Variants in BNC2 observed in about 807,000 individuals in gnomAD.
BNC2 encodes the protein zinc finger protein basonuclin-2.
Under a neutral mutation model 76.3 loss-of-function variants are expected in BNC2, and 20 were observed. The ratio of observed to expected loss-of-function variants is 0.26; its 90% CI spans 0.18 to 0.38. The LOEUF is 0.38. Among genes scored for constraint, BNC2 ranks in the 10% least tolerant of loss-of-function variants. BNC2 has a pLI of 1.00. For missense variants in BNC2, 1,382 were observed against 1,399.8 expected, an observed-to-expected ratio of 0.99 and a Z score of 0.20; for synonymous variants, 582 against 514.8, an observed-to-expected ratio of 1.13 and a Z score of -1.77.
chr9:16,850,019 T>C (rs896556183), intron 1 of BNC2, among the ~76,000 whole-genome samples: 1 of 152,154 alleles, frequency 6.6e-6, no homozygotes, highest in Non-Finnish European at 1.5e-5. Flanking sequence ...ACACACAGAT[T>C]TGCTCAACTA....
intron 3 of BNC2, among the ~76,000 whole-genome samples, chr9:16,643,305 C>CAAAAAAAAAA (rs34196473): frequency 3.9e-4 from 47 of 121,564 alleles, no homozygotes; most frequent in African/African-American, 1.3e-3. Flanking sequence ...GACTCTGTCT[C>CAAAAAAAAAA]AAAAAAAAAA....
chr9:16,710,684 G>A (rs1366419274), intron 3 of BNC2, among the ~76,000 whole-genome samples: 1 of 151,928 alleles, frequency 6.6e-6, no homozygotes, highest in African/African-American at 2.4e-5. Context: ...TCCCATCCAA[G>A]CCACCCCCAC....
At chr9:16,858,335 G>A (rs1819313252) in intron 1 of BNC2, among the ~76,000 whole-genome samples, 1 of 152,164 alleles carries the variant, frequency 6.6e-6, no homozygotes, top group African/African-American at 2.4e-5. Flanking sequence ...AGTAAAACCA[G>A]GGTGTTTCAC....
chr9:16,720,663 G>A (rs1411365271), intron 3 of BNC2, among the ~76,000 whole-genome samples: 1 of 152,064 alleles, frequency 6.6e-6, no homozygotes, highest in Non-Finnish European at 1.5e-5. Context: ...AAAAACAAAA[G>A]GATATTATTT....
rs538180885 is a variant in BNC2 at position 16,573,080 on chromosome 9, T to C, written c.433+9903A>G. Among the ~76,000 whole-genome samples, 5 of 151,862 alleles carry C rather than the reference T, an allele frequency of 3.3e-5. No individual in the cohort carries two copies. In the East Asian group the frequency reaches 9.7e-4, roughly 29 times the overall value. On this transcript the variant is annotated intron_variant, in intron 4 of 6. Coordinates refer to ENST00000380672, the MANE Select transcript of BNC2 (RefSeq NM_017637.6). ...CTATCTCTACAAAAAATACAAAAAT[T>C]AGCTGGGCGTGGTAGCGCACACCTG...
At chr9:16,771,313 C>T (rs961769513) in intron 1 of BNC2, among the ~76,000 whole-genome samples, 7 of 152,200 alleles carry the variant, frequency 4.6e-5, no homozygotes, top group African/African-American at 1.4e-4. Flanking sequence ...ACCCTCTATA[C>T]TTAAAACAAG....
chr9:16,493,724 G>T (rs1459631580), intron 5 of BNC2, among the ~76,000 whole-genome samples: 1 of 152,196 alleles, frequency 6.6e-6, no homozygotes, highest in East Asian at 1.9e-4. Context: ...GCTGGGAAAG[G>T]GTACTCTACT....
At position 16,432,053 on chromosome 9, in the gene BNC2, C is replaced by T. The variant is rs115353485; in HGVS notation, c.2639+3502G>A. Among the ~76,000 whole-genome samples the T allele has an allele frequency of 3.5e-3, 533 of 152,318 alleles. 4 individuals are homozygous for T. Among genetic ancestry groups the T allele is most frequent in the African/African-American group, 0.012 (512 of 41,570 alleles). On this transcript the variant is annotated intron_variant, in intron 6 of 6. Transcript: ENST00000380672. The stretch of plus-strand genomic sequence containing the variant: ...AGTTCTTTACAGAGAAAATTCTTTA[C>T]ATTTCACTTCTATCACTCAGAATAA...
At chr9:16,481,468 C>T (rs564099935) in intron 5 of BNC2, among the ~76,000 whole-genome samples, 2 of 152,192 alleles carry the variant, frequency 1.3e-5, no homozygotes, top group East Asian at 1.9e-4. Flanking sequence ...AGCGAGACCA[C>T]GAGCCCACTA....
chr9:16,461,844 T>C (rs977987494), intron 5 of BNC2, among the ~76,000 whole-genome samples: 3 of 152,234 alleles, frequency 2.0e-5, no homozygotes, highest in Admixed American at 1.3e-4. Flanking sequence ...AACATCATCT[T>C]GCACCTGCCA....
intron 3 of BNC2, among the ~76,000 whole-genome samples, chr9:16,598,600 C>T (rs937120644): frequency 6.6e-6 from 1 of 152,216 alleles, no homozygotes; most frequent in Non-Finnish European, 1.5e-5. Context: ...TAAGTACCTT[C>T]TTCTAAGTCC....
intron 5 of BNC2, among the ~76,000 whole-genome samples, chr9:16,462,758 T>C (rs961989722): frequency 3.3e-5 from 5 of 152,174 alleles, no homozygotes; most frequent in Admixed American, 2.0e-4. Context: ...TTGTTCCTGG[T>C]CTTCACATTG....
At chr9:16,860,654 G>C (rs1819383305) in intron 1 of BNC2, among the ~76,000 whole-genome samples, 1 of 152,130 alleles carries the variant, frequency 6.6e-6, no homozygotes, top group African/African-American at 2.4e-5. Context: ...TTCTTAGATA[G>C]CATACCAAGG....
chr9:16,789,949 T>C (rs953573954), intron 1 of BNC2, among the ~76,000 whole-genome samples: 7 of 152,222 alleles, frequency 4.6e-5, no homozygotes, highest in African/African-American at 1.2e-4. Context: ...GTAGTCCTCA[T>C]TTTGCATGAT....
intron 3 of BNC2, among the ~76,000 whole-genome samples, chr9:16,648,345 AG>A (rs1821695243): frequency 6.6e-6 from 1 of 152,248 alleles, no homozygotes; most frequent in Admixed American, 6.5e-5. Flanking sequence ...GTAGAACATC[AG>A]GACACCAAGC....
intron 3 of BNC2, among the ~76,000 whole-genome samples, chr9:16,594,094 G>C (rs1044759028): frequency 6.6e-6 from 1 of 152,066 alleles, no homozygotes; most frequent in Non-Finnish European, 1.5e-5. Context: ...AATAAGGACA[G>C]GATTTATAAT....
intron 1 of BNC2, among the ~76,000 whole-genome samples, chr9:16,844,555 T>C (rs1372842751): frequency 1.4e-5 from 2 of 143,996 alleles, no homozygotes; most frequent in Non-Finnish European, 3.0e-5. Flanking sequence ...TGGAGTGCAG[T>C]GGCGAGATCT....
intron 1 of BNC2, among the ~76,000 whole-genome samples, chr9:16,805,708 T>TACATGCAC (rs1263513038): frequency 1.6e-5 from 2 of 125,744 alleles, no homozygotes; most frequent in Non-Finnish European, 3.1e-5. Context: ...ATAATTTGCA[T>TACATGCAC]ACATGCACAC....
At chr9:16,704,984 G>A (rs1823623544) in intron 3 of BNC2, 1 of 152,234 alleles carries the variant, frequency 6.6e-6, no homozygotes, top group African/African-American at 2.4e-5. Context: ...TTCTTCAGCT[G>A]TTAATTGTCC....
Sources: allele counts gnomAD v4.1 joint callset (sites outside exome capture counted in the v4.1 genomes callset), GRCh38; gene constraint gnomAD v4.1.1; transcripts MANE v1.5; gene names NCBI Gene and HGNC (gene_info 2026-07-23, HGNC 2026-07-21).